SHQ1: variants seen among roughly 807,000 people sequenced by gnomAD.
SHQ1 encodes SHQ1, H/ACA ribonucleoprotein assembly factor.
Under a neutral mutation model 53.8 loss-of-function variants are expected in SHQ1, and 49 were observed. The observed-to-expected ratio is 0.91, with a 90% CI of 0.72 to 1.16. The LOEUF (loss-of-function observed/expected upper bound fraction) is 1.16. Ranked by LOEUF, SHQ1 falls within the 50% of genes most tolerant of loss-of-function variation. SHQ1 has a pLI of 0.00. For synonymous variants in SHQ1, 243 were observed against 251.0 expected, an observed-to-expected ratio of 0.97 and a Z score of 0.30; for missense variants, 738 against 683.1, an observed-to-expected ratio of 1.08 and a Z score of -0.90.
At chr3:72,745,417 G>A (rs752328156), downstream of SHQ1, among the ~76,000 whole-genome samples, 3 of 152,142 alleles carry the variant, frequency 2.0e-5, no homozygotes, top group African/African-American at 7.2e-5. Context: ...CAAGGCCTCC[G>A]ATTATTCTTC....
At chr3:72,802,096 T>C (rs1706805654) in intron 9 of SHQ1, among the ~76,000 whole-genome samples, 1 of 152,170 alleles carries the variant, frequency 6.6e-6, no homozygotes, top group Non-Finnish European at 1.5e-5. Context: ...GCTATGGAAA[T>C]TAAATGAGAC....
intron 10 of SHQ1, among the ~76,000 whole-genome samples, chr3:72,765,528 G>GAC (rs1401746616): frequency 5.4e-4 from 54 of 99,898 alleles, no homozygotes; most frequent in African/African-American, 2.7e-3. Context: ...AGATTCACAT[G>GAC]ACATATATAT....
intron 10 of SHQ1, among the ~76,000 whole-genome samples, chr3:72,756,649 C>A (rs765980823): frequency 6.6e-6 from 1 of 152,112 alleles, no homozygotes; most frequent in South Asian, 2.1e-4. Flanking sequence ...AATGAAGAGA[C>A]GCTGCATTTA....
chr3:72,760,831 A>C (rs191171525), intron 10 of SHQ1, among the ~76,000 whole-genome samples: 7 of 152,346 alleles, frequency 4.6e-5, no homozygotes, highest in Admixed American at 2.6e-4. Flanking sequence ...TCCTTAAGGA[A>C]ATGACAGTGA....
At chr3:72,801,504 C>G (rs1034763350) in intron 9 of SHQ1, among the ~76,000 whole-genome samples, 1 of 152,108 alleles carries the variant, frequency 6.6e-6, no homozygotes, top group African/African-American at 2.4e-5. Context: ...AGAAAGACAA[C>G]TGGATATCTC....
intron 9 of SHQ1, among the ~76,000 whole-genome samples, chr3:72,798,835 T>A (rs975946772): frequency 3.9e-5 from 6 of 152,230 alleles, no homozygotes; most frequent in Non-Finnish European, 8.8e-5. Flanking sequence ...ACAATGTAAG[T>A]TGCTAATTCT....
chr3:72,766,509 T>C (rs1182450247), intron 10 of SHQ1, among the ~76,000 whole-genome samples: 2 of 152,090 alleles, frequency 1.3e-5, no homozygotes, highest in Admixed American at 6.6e-5. Context: ...AAGTAAGACA[T>C]AGAGGTTTAA....
At chr3:72,836,750 G>T (rs900772649) in intron 4 of SHQ1, among the ~76,000 whole-genome samples, 1 of 152,164 alleles carries the variant, frequency 6.6e-6, no homozygotes, top group Non-Finnish European at 1.5e-5. Context: ...CCAAAGGGAA[G>T]AAAGAGGATG....
intron 4 of SHQ1, among the ~76,000 whole-genome samples, chr3:72,834,698 A>G (rs1221123674): frequency 6.6e-6 from 1 of 152,174 alleles, no homozygotes; most frequent in Non-Finnish European, 1.5e-5. Flanking sequence ...ATATTATACC[A>G]TATCCTACTG....
intron 9 of SHQ1, among the ~76,000 whole-genome samples, chr3:72,811,194 TGA>T (rs1212306184): frequency 6.6e-6 from 1 of 152,166 alleles, no homozygotes; most frequent in Non-Finnish European, 1.5e-5. Context: ...TGAGAGTGTG[TGA>T]GTGTGTGTGC....
chr3:72,818,985 C>T (rs936389221), intron 6 of SHQ1, among the ~76,000 whole-genome samples: 4 of 152,186 alleles, frequency 2.6e-5, no homozygotes, highest in African/African-American at 9.7e-5. Flanking sequence ...CAGCCTCCAA[C>T]ATCTGTTTTT....
chr3:72,813,853 GGACATGGGTAATACAAGACATTTACTT>G (rs1259624644), intron 8 of SHQ1, among the ~76,000 whole-genome samples: 69 of 119,548 alleles, frequency 5.8e-4, no homozygotes, highest in African/African-American at 2.2e-3. Flanking sequence ...TTTTTGCACT[GGACATGGGTAATACAAGACATTTACTT>G]GAGTAATTTG....
At position 72,751,497 on chromosome 3, in the gene SHQ1, TGTGTG is replaced by T. The variant is rs1559657358; in HGVS notation, c.1182-666_1182-662del. On this transcript the variant is annotated intron_variant, in intron 10 of 10. Transcript: ENST00000325599. ...ACATATGTGTGTGTGTGTGTGTGTG[TGTGTG>T]TGTGTGTATATATATATATATATAT... Among the ~76,000 whole-genome samples, 36 of 111,422 alleles carry T rather than the reference TGTGTG, an allele frequency of 3.2e-4. 2 individuals carry two copies. The highest frequency in any genetic ancestry group is 1.1e-3 in the African/African-American group (25 of 22,266). 73.1% of individuals were successfully genotyped at this position (111,422 alleles called of 152,430 possible). A position where few individuals can be genotyped will look rare whatever the true frequency, so the allele number is the denominator to read the frequency against.
Position 72,824,559 on chromosome 3 carries a change from A to G in SHQ1, c.600-8T>C. The stretch of plus-strand genomic sequence containing the variant: ...TCTTCAAAAAAGTCAGCTCTAGGAA[A>G]AAACATTGAAAGAACTTACTATACA... On this transcript the variant is annotated splice_region_variant and splice_polypyrimidine_tract_variant and intron_variant, in intron 5 of 10. Transcript: ENST00000325599. 1 of 1,605,456 alleles carries G rather than the reference A, an allele frequency of 6.2e-7. No individual in the cohort carries two copies. The highest frequency in any genetic ancestry group is 1.3e-5 in the African/African-American group (1 of 74,436).
the SHQ1 span, among the ~76,000 whole-genome samples, chr3:72,742,919 A>G: frequency 1.3e-5 from 2 of 152,216 alleles, no homozygotes; most frequent in Admixed American, 1.3e-4. Context: ...TACAGGCGTG[A>G]GCCACTGCAC....
At chr3:72,765,302 C>A (rs1166661017) in intron 10 of SHQ1, among the ~76,000 whole-genome samples, 1 of 151,972 alleles carries the variant, frequency 6.6e-6, no homozygotes, top group African/African-American at 2.4e-5. Flanking sequence ...CATTCAGATG[C>A]CACCACTTGC....
intron 5 of SHQ1, among the ~76,000 whole-genome samples, chr3:72,825,542 T>C (rs555222889): frequency 6.6e-6 from 1 of 152,168 alleles, no homozygotes; most frequent in Non-Finnish European, 1.5e-5. Context: ...GCACTCTACA[T>C]TCCTGTTTTA....
intron 9 of SHQ1, among the ~76,000 whole-genome samples, chr3:72,801,059 C>A (rs1480119725): frequency 6.6e-6 from 1 of 151,920 alleles, no homozygotes; most frequent in African/African-American, 2.4e-5. Context: ...CAGATGTCAT[C>A]AAAACTACAT....
At chr3:72,751,490 G>GTACATATATATA (rs1559657328) in intron 10 of SHQ1, among the ~76,000 whole-genome samples, 1 of 100,126 alleles carries the variant, frequency 1.0e-5, no homozygotes, top group Admixed American at 8.9e-5. Context: ...GTGTGTGTGT[G>GTACATATATATA]TGTGTGTGTG....
Sources: allele counts gnomAD v4.1 joint callset (sites outside exome capture counted in the v4.1 genomes callset), GRCh38; gene constraint gnomAD v4.1.1; transcripts MANE v1.5; gene names NCBI Gene and HGNC (gene_info 2026-07-23, HGNC 2026-07-21).